Variants in HOMER2 observed in about 807,000 individuals in gnomAD.
The protein encoded by HOMER2 is homer protein homolog 2.
HOMER2 carries 27 observed loss-of-function variants against 47.0 expected under a neutral mutation model. The ratio of observed to expected loss-of-function variants is 0.57; its 90% CI spans 0.42 to 0.79. HOMER2 has a LOEUF of 0.79. Among genes scored for constraint, HOMER2 ranks in the 30% least tolerant of loss-of-function variants. The probability of loss-of-function intolerance (pLI) is 0.00; values close to 1 mark genes in which losing one functional copy is unlikely to be tolerated. For synonymous variants in HOMER2, 161 were observed against 163.8 expected (o/e 0.98, Z 0.13); for missense variants, 443 against 435.0 (o/e 1.02, Z -0.16).
At chr15:82,837,134 C>G (rs574247469) in exon 2 of HOMER2, 17 of 152,520 alleles carry the variant, frequency 1.1e-4, no homozygotes, top group African/African-American at 4.1e-4. Context: ...CCTTCCTCCA[C>G]CTTCAGTGCC....
downstream of HOMER2, among the ~76,000 whole-genome samples, chr15:82,848,197 C>T (rs1456953193): frequency 6.6e-6 from 1 of 152,146 alleles, no homozygotes; most frequent in African/African-American, 2.4e-5. Context: ...CCTTGGGGCC[C>T]AGGGCACCTG....
At chr15:82,975,565 T>C (rs2030170818) in intron 1 of HOMER2, among the ~76,000 whole-genome samples, 1 of 152,124 alleles carries the variant, frequency 6.6e-6, no homozygotes, top group Non-Finnish European at 1.5e-5. Flanking sequence ...TGCAACACCA[T>C]AGATGGAACA....
intron 1 of HOMER2, among the ~76,000 whole-genome samples, chr15:82,916,469 C>A (rs1037641380): frequency 1.3e-5 from 2 of 152,018 alleles, no homozygotes; most frequent in African/African-American, 4.8e-5. Context: ...AAGGGTCTTC[C>A]GACAGGATTG....
At chr15:82,986,106 G>A, upstream of HOMER2, 1 of 985,542 alleles carries the variant, frequency 1.0e-6, no homozygotes, top group Non-Finnish European at 1.2e-6. Flanking sequence ...CGTTGTGCCA[G>A]CATTTGAAGA....
At chr15:82,869,102 C>A (rs2052092536) in intron 3 of HOMER2, among the ~76,000 whole-genome samples, 1 of 152,234 alleles carries the variant, frequency 6.6e-6, no homozygotes, top group Non-Finnish European at 1.5e-5. Context: ...TCTCGACACA[C>A]TGCCTACAGG....
chr15:82,879,640 G>T (rs1308133850), intron 2 of HOMER2, among the ~76,000 whole-genome samples: 3 of 152,224 alleles, frequency 2.0e-5, no homozygotes, highest in Non-Finnish European at 4.4e-5. Context: ...TCAGCAAATT[G>T]TAATCTTTTT....
intron 1 of HOMER2, among the ~76,000 whole-genome samples, chr15:82,943,356 G>A (rs1435109949): frequency 6.6e-6 from 1 of 152,146 alleles, no homozygotes; most frequent in East Asian, 1.9e-4. Context: ...TGACAATGCA[G>A]CTGAGACAGC....
At chr15:82,974,228 A>AATTTAGTAGAAATTTAGTAG (rs1387703480) in intron 1 of HOMER2, among the ~76,000 whole-genome samples, 42 of 151,838 alleles carry the variant, frequency 2.8e-4, no homozygotes, top group Admixed American at 9.8e-4. Context: ...AACATGGAGA[A>AATTTAGTAGAAATTTAGTAG]AACCCATCTC....
chr15:82,853,510 G>A (rs1228306777), intron 6 of HOMER2, among the ~76,000 whole-genome samples: 5 of 152,182 alleles, frequency 3.3e-5, no homozygotes, highest in East Asian at 1.9e-4. Flanking sequence ...GGATGCAGGG[G>A]CCCTCCAGGT....
chr15:82,856,012 T>G (rs1423242237), intron 5 of HOMER2, among the ~76,000 whole-genome samples: 4 of 152,196 alleles, frequency 2.6e-5, no homozygotes, highest in Non-Finnish European at 5.9e-5. Flanking sequence ...CTTCCTAATT[T>G]TTTTAAGTAA....
chr15:82,952,697 A>C lies in HOMER2; in HGVS notation c.-162T>G. 5 of 985,528 alleles carry C rather than the reference A, an allele frequency of 5.1e-6. No homozygotes were observed. Among genetic ancestry groups the C allele is most frequent in the Non-Finnish European group, 6.0e-6 (5 of 831,306 alleles). The allele number at this position is 985,528 out of a possible 1,614,324, so 61.0% of individuals were successfully genotyped here. A position where few individuals can be genotyped will look rare whatever the true frequency, so the allele number is the denominator to read the frequency against. On this transcript the variant is annotated 5_prime_UTR_variant, in exon 1 of 9. Transcript: ENST00000450735. ...GGGCTGCGCGGCTGCCACTGCTGCC[A>C]CTGCCGCCACCGCCGCCAGGCGCGG...
At chr15:82,895,651 G>A (rs2052886078) in intron 1 of HOMER2, among the ~76,000 whole-genome samples, 1 of 152,222 alleles carries the variant, frequency 6.6e-6, no homozygotes, top group Non-Finnish European at 1.5e-5. Context: ...TAAATGGGCT[G>A]GGCTGGGGGC....
At chr15:82,862,793 A>G (rs2051834955) in intron 4 of HOMER2, among the ~76,000 whole-genome samples, 1 of 152,146 alleles carries the variant, frequency 6.6e-6, no homozygotes, top group Admixed American at 6.5e-5. Flanking sequence ...TGGAAAGACA[A>G]CTCAAGGCAG....
At chr15:82,914,089 G>C (rs12908493) in intron 1 of HOMER2, among the ~76,000 whole-genome samples, 1 of 151,526 alleles carries the variant, frequency 6.6e-6, no homozygotes, top group Non-Finnish European at 1.5e-5. Flanking sequence ...TGTAATCCCA[G>C]ACTTTGGGAG....
At chr15:82,895,358 C>T (rs2052873736) in intron 1 of HOMER2, among the ~76,000 whole-genome samples, 1 of 152,194 alleles carries the variant, frequency 6.6e-6, no homozygotes. Flanking sequence ...TAATTTCCCG[C>T]ATCTGCTGTC....
intron 1 of HOMER2, among the ~76,000 whole-genome samples, chr15:82,893,478 G>A (rs531562404): frequency 3.0e-4 from 45 of 151,752 alleles, no homozygotes; most frequent in Non-Finnish European, 5.9e-4. Context: ...GATTACAGGC[G>A]TGTGCCACTG....
chr15:82,860,753 A>G (rs767209513), intron 4 of HOMER2, among the ~76,000 whole-genome samples: 2 of 151,976 alleles, frequency 1.3e-5, no homozygotes, highest in Non-Finnish European at 2.9e-5. Flanking sequence ...CCTGGCCAAT[A>G]TGGTGAAACC....
intron 1 of HOMER2, among the ~76,000 whole-genome samples, chr15:82,960,204 G>A (rs769617182): frequency 6.6e-6 from 1 of 152,196 alleles, no homozygotes; most frequent in African/African-American, 2.4e-5. Context: ...CCTCTCAAGA[G>A]GGGGAGAAGC....
intron 1 of HOMER2, among the ~76,000 whole-genome samples, chr15:82,961,770 A>G (rs1442359503): frequency 6.6e-6 from 1 of 152,146 alleles, no homozygotes; most frequent in African/African-American, 2.4e-5. Flanking sequence ...CCAAACCAAC[A>G]TAAGTTTTTG....
Sources: gnomAD v4.1 joint callset for allele counts (sites outside exome capture counted in the v4.1 genomes callset) on GRCh38, gnomAD v4.1.1 for gene constraint, MANE v1.5 for transcripts, NCBI Gene and HGNC (gene_info 2026-07-23, HGNC 2026-07-21) for gene names.